ISG20: variants seen among roughly 807,000 people sequenced by gnomAD.
ISG20 encodes interferon stimulated exonuclease gene 20.
Under a neutral mutation model 11.1 loss-of-function variants are expected in ISG20, and 8 were observed. The observed-to-expected ratio is 0.72, with a 90% CI of 0.42 to 1.30. The LOEUF (loss-of-function observed/expected upper bound fraction) is 1.30. Ranked by LOEUF, ISG20 falls within the 50% of genes most tolerant of loss-of-function variation. The probability of loss-of-function intolerance (pLI) is 0.01; values close to 1 mark genes in which losing one functional copy is unlikely to be tolerated. For missense variants in ISG20, 243 were observed against 250.2 expected (o/e 0.97, Z 0.19); for synonymous variants, 110 against 101.7 (o/e 1.08, Z -0.49).
rs1346148203 is a variant in ISG20, at chr15:88,643,160, A to T, written c.228+3566A>T. ...CTGAGGTGAAGTATTGCTTGAGCCC[A>T]GGAGTTTGAGGCTGTACTGAGCTAT... On this transcript the variant is annotated intron_variant, in intron 2 of 3. Coordinates refer to ENST00000306072, the MANE Select transcript of ISG20 (RefSeq NM_002201.6). The surrounding 1 kb of genome is among the most constrained non-coding windows in gnomAD (Gnocchi z 4.4). 6.6e-6 allele frequency among the ~76,000 whole-genome samples: 1 copy of T among 152,096 alleles called. No homozygotes were observed. Among genetic ancestry groups the T allele is most frequent in the Non-Finnish European group, 1.5e-5 (1 of 68,018 alleles).
chr15:88,653,363 G>A (rs2058319574), intron 3 of ISG20, among the ~76,000 whole-genome samples: 1 of 152,168 alleles, frequency 6.6e-6, no homozygotes, highest in African/African-American at 2.4e-5. Flanking sequence ...GCAGAAGAAG[G>A]CATACAGAGT....
intron 2 of ISG20, chr15:88,649,917 A>G (rs780961943): frequency 2.7e-6 from 1 of 368,552 alleles, no homozygotes; most frequent in Non-Finnish European, 5.2e-6. Flanking sequence ...TTGACAGTGG[A>G]TGGACAGACT....
At chr15:88,652,086 G>T (rs775575520) in intron 2 of ISG20, 24 bp from the exon 3 acceptor site, 1 of 1,613,860 alleles carries the variant, frequency 6.2e-7, no homozygotes, top group South Asian at 1.1e-5. Context: ...TCATGTAGGG[G>T]TGGGCACATG....
intron 2 of ISG20, chr15:88,647,773 A>C (rs1171366304): frequency 6.6e-6 from 1 of 152,250 alleles, no homozygotes; most frequent in African/African-American, 2.4e-5. Context: ...TTTAACGTCA[A>C]CCCAGCATAA....
intron 2 of ISG20, among the ~76,000 whole-genome samples, chr15:88,646,339 G>A (rs930030574): frequency 3.9e-5 from 6 of 152,256 alleles, no homozygotes; most frequent in African/African-American, 1.4e-4. Flanking sequence ...ACTGAGGTAT[G>A]AGACTGAGTA....
At chr15:88,636,954 G>A (rs1265367824), upstream of ISG20, among the ~76,000 whole-genome samples, 1 of 152,208 alleles carries the variant, frequency 6.6e-6, no homozygotes, top group Non-Finnish European at 1.5e-5. Flanking sequence ...CAAATGCCTG[G>A]GCCTTGAGAC....
rs2058256854 is a variant in ISG20, at chr15:88,650,575, C to T, written c.229-1535C>T. The T allele has an allele frequency of 1.2e-6, 1 of 815,746 alleles. No individual in the cohort carries two copies. The allele number at this position is 815,746 out of a possible 1,614,324, so 50.5% of individuals were successfully genotyped here. A position where few individuals can be genotyped will look rare whatever the true frequency, so the allele number is the denominator to read the frequency against. Reference sequence around the variant, plus strand: ...GTCAATACTTATTTCGCTCGGCCACCTGCAGTTTGGGCAGGTGCTCTGCAG... The same window carrying T: ...GTCAATACTTATTTCGCTCGGCCACTTGCAGTTTGGGCAGGTGCTCTGCAG... On this transcript the variant is annotated intron_variant, in intron 2 of 3. Coordinates refer to ENST00000306072, the MANE Select transcript of ISG20 (RefSeq NM_002201.6). This position sits in a 1 kb window ranked among gnomAD's most constrained non-coding sequence, Gnocchi z 4.0.
At chr15:88,645,714 C>T (rs1351584313) in intron 2 of ISG20, among the ~76,000 whole-genome samples, 2 of 152,096 alleles carry the variant, frequency 1.3e-5, no homozygotes, top group African/African-American at 4.8e-5. Context: ...CTAGAAATAC[C>T]ATCATTCTGG....
chr15:88,645,518 G>A (rs2058157367), intron 2 of ISG20, among the ~76,000 whole-genome samples: 1 of 151,932 alleles, frequency 6.6e-6, no homozygotes. Context: ...TCAGATCATC[G>A]CCGCCTCCCC....
chr15:88,639,430 G>A lies in ISG20; in HGVS notation c.64G>A (p.Glu22Lys). Residue 22 changes from glutamate (E) to lysine (K), a missense_variant, in exon 2 of 4, where the codon GAG (glutamate) becomes AAG (lysine). Glu to Lys is a moderately conservative substitution (Grantham distance 56, BLOSUM62 1). Transcript: ENST00000306072. This position sits in a 1 kb window ranked among gnomAD's most constrained non-coding sequence, Gnocchi z 4.2. The part of the protein sequence containing the change: ...CEMVGLGPHR[E>K]SGLARCSLVN... ...GATGGTGGGGCTGGGGCCCCACCGG[G>A]AGAGTGGCCTGGCTCGTTGCAGCCT... The A allele has an allele frequency of 2.5e-6, 4 of 1,614,144 alleles. No individual in the cohort carries two copies. Among genetic ancestry groups the A allele is most frequent in the Non-Finnish European group, 3.4e-6 (4 of 1,180,010 alleles).
In ISG20 at chr15:88,650,014, G is replaced by T. The variant is rs2058246780; in HGVS notation, c.229-2096G>T. The T allele has an allele frequency of 1.1e-5, 6 of 559,652 alleles. No individual in the cohort carries two copies. The South Asian group carries it at 1.2e-4, about 11-fold the overall frequency. The allele number at this position is 559,652 out of a possible 1,614,324, so 34.7% of individuals were successfully genotyped here. On this transcript the variant is annotated intron_variant, in intron 2 of 3. Transcript: ENST00000306072. This position sits in a 1 kb window ranked among gnomAD's most constrained non-coding sequence, Gnocchi z 4.0. ...TTGCCAGGGGAGAACATGTAAAAGG[G>T]AACACATGATGTTCCAGGAGGCCGC...
chr15:88,645,119 G>A (rs1411899081), intron 2 of ISG20, among the ~76,000 whole-genome samples: 1 of 152,122 alleles, frequency 6.6e-6, no homozygotes, highest in Admixed American at 6.5e-5. Context: ...ATGAGGCAGG[G>A]GTTCAAAGAC....
At chr15:88,651,043 G>A (rs1159598900) in intron 2 of ISG20, 5 of 222,894 alleles carry the variant, frequency 2.2e-5, no homozygotes, top group East Asian at 1.8e-4. Flanking sequence ...GATTACAGAC[G>A]TGAGACACCG....
Position 88,652,343 on chromosome 15 carries a change from C to G in ISG20, c.429+33C>G, listed in dbSNP as rs201771994. ...CCTCCTCGTCCTTCTCCTCCTCCCCCCTCCTCCCCCTCCTCCCCCTCCTCC... is the reference window on the plus strand; with the variant it reads ...CCTCCTCGTCCTTCTCCTCCTCCCCGCTCCTCCCCCTCCTCCCCCTCCTCC... On this transcript the variant is annotated intron_variant, in intron 3 of 3. Transcript: ENST00000306072. 3.5e-4 allele frequency: 419 copies of G among 1,211,156 alleles called. 3 individuals carry two copies. The African/African-American group carries it at 6.9e-3, about 20-fold the overall frequency. The allele number at this position is 1,211,156 out of a possible 1,614,324, so 75.0% of individuals were successfully genotyped here.
rs899894362 is a variant in ISG20, at chr15:88,643,873, G to C, written c.228+4279G>C. Among the ~76,000 whole-genome samples, 1 of 152,098 alleles carries C rather than the reference G, an allele frequency of 6.6e-6. No homozygotes were observed. Among genetic ancestry groups the C allele is most frequent in the Non-Finnish European group, 1.5e-5 (1 of 68,034 alleles). On this transcript the variant is annotated intron_variant, in intron 2 of 3. Coordinates refer to ENST00000306072, the MANE Select transcript of ISG20 (RefSeq NM_002201.6). The surrounding 1 kb of genome is among the most constrained non-coding windows in gnomAD (Gnocchi z 4.4). Reference sequence around the variant, plus strand: ...TTGGAATATTTGCATTATACTTACTGGTTGAGCATCCCAAATTTGAAAATC... The same window carrying C: ...TTGGAATATTTGCATTATACTTACTCGTTGAGCATCCCAAATTTGAAAATC...
At chr15:88,644,561 A>G (rs1379244286) in intron 2 of ISG20, among the ~76,000 whole-genome samples, 4 of 151,772 alleles carry the variant, frequency 2.6e-5, no homozygotes, top group African/African-American at 9.7e-5. Flanking sequence ...AAGACAAAAA[A>G]AAAAAGAGTC....
chr15:88,640,014 C>T (rs899347680), intron 2 of ISG20, among the ~76,000 whole-genome samples: 3 of 152,198 alleles, frequency 2.0e-5, no homozygotes, highest in Non-Finnish European at 4.4e-5. Context: ...GGCTGAGCCT[C>T]GGGCTGAGGA....
In ISG20 at chr15:88,650,013, G is replaced by C; in HGVS notation, c.229-2097G>C. ...GTTGCCAGGGGAGAACATGTAAAAG[G>C]GAACACATGATGTTCCAGGAGGCCG... is the stretch of plus-strand genomic sequence containing the variant. On this transcript the variant is annotated intron_variant, in intron 2 of 3. Coordinates refer to ENST00000306072, the MANE Select transcript of ISG20 (RefSeq NM_002201.6). The surrounding 1 kb of genome is among the most constrained non-coding windows in gnomAD (Gnocchi z 4.0). 2 of 556,366 alleles carry C rather than the reference G, an allele frequency of 3.6e-6. No individual in the cohort carries two copies. Among genetic ancestry groups the C allele is most frequent in the Non-Finnish European group, 6.5e-6 (2 of 308,660 alleles). 34.5% of individuals were successfully genotyped at this position (556,366 alleles called of 1,614,324 possible). A position where few individuals can be genotyped will look rare whatever the true frequency, so the allele number is the denominator to read the frequency against.
chr15:88,655,357 C>T, intron 3 of ISG20, 58 bp from the exon 4 acceptor site: 1 of 1,490,400 alleles, frequency 6.7e-7, no homozygotes, highest in Non-Finnish European at 9.4e-7. Context: ...AAGACCCTGT[C>T]ACGGGGCCTC....
Sources: gnomAD v4.1 joint callset for allele counts (sites outside exome capture counted in the v4.1 genomes callset) on GRCh38, gnomAD v4.1.1 for gene constraint, Gnocchi (gnomAD v3.1) non-coding constraint, MANE v1.5 for transcripts, NCBI Gene and HGNC (gene_info 2026-07-23, HGNC 2026-07-21) for gene names.